Variants in SHTN1 observed in about 807,000 individuals in gnomAD.
SHTN1 encodes the protein shootin 1.
In SHTN1, 42 loss-of-function variants were observed where a neutral mutation model predicts 83.1. The observed-to-expected ratio is 0.51, with a 90% CI of 0.39 to 0.65. The LOEUF (loss-of-function observed/expected upper bound fraction) is 0.65. SHTN1 is among the 30% of genes least tolerant of loss of function. The pLI, the probability that SHTN1 is intolerant of heterozygous loss-of-function variation, is 0.00. For synonymous variants in SHTN1, 224 were observed against 247.7 expected (o/e 0.90, Z 0.90); for missense variants, 622 against 737.8 (o/e 0.84, Z 1.82).
upstream of SHTN1, among the ~76,000 whole-genome samples, chr10:117,009,462 G>A (rs1340875419): frequency 6.6e-6 from 1 of 152,026 alleles, no homozygotes; most frequent in East Asian, 1.9e-4. Context: ...AAGCAAAATG[G>A]TAGGAAAAAA....
At chr10:117,036,445 C>CTGAA (rs1176338356) in intron 2 of SHTN1, among the ~76,000 whole-genome samples, 1 of 152,166 alleles carries the variant, frequency 6.6e-6, no homozygotes, top group Non-Finnish European at 1.5e-5. Context: ...CAATGGAGTA[C>CTGAA]TATTCAGCCA....
chr10:117,047,457 G>A (rs751840910), intron 2 of SHTN1, among the ~76,000 whole-genome samples: 3 of 152,140 alleles, frequency 2.0e-5, no homozygotes, highest in Non-Finnish European at 4.4e-5. Context: ...TTAGATCTGG[G>A]TGATAAGAGA....
intron 11 of SHTN1, among the ~76,000 whole-genome samples, chr10:116,924,644 C>T (rs1589811372): frequency 6.6e-6 from 1 of 151,934 alleles, no homozygotes; most frequent in African/African-American, 2.4e-5. Context: ...ACTCAAACCT[C>T]TGGCCATCAC....
At chr10:117,056,058 T>A (rs1309545107) in intron 1 of SHTN1, among the ~76,000 whole-genome samples, 1 of 152,102 alleles carries the variant, frequency 6.6e-6, no homozygotes, top group East Asian at 1.9e-4. Context: ...CCTATAACCA[T>A]CAAAGAAGTT....
intron 3 of SHTN1, among the ~76,000 whole-genome samples, chr10:116,960,543 A>G (rs1468547820): frequency 6.6e-6 from 1 of 152,234 alleles, no homozygotes; most frequent in African/African-American, 2.4e-5. Flanking sequence ...CCATAGACAT[A>G]TGTGCTAGTT....
At chr10:116,983,060 G>A (rs1262857834) in intron 1 of SHTN1, among the ~76,000 whole-genome samples, 1 of 151,950 alleles carries the variant, frequency 6.6e-6, no homozygotes, top group Non-Finnish European at 1.5e-5. Flanking sequence ...CAGATTTACA[G>A]GTACAGTATA....
chr10:117,034,640 TAA>T (rs200237896), intron 2 of SHTN1, among the ~76,000 whole-genome samples: 1 of 143,658 alleles, frequency 7.0e-6, no homozygotes, highest in Non-Finnish European at 1.5e-5. Flanking sequence ...GACTCCATCT[TAA>T]AAAAAAAAAA....
rs1849681048 is a variant in SHTN1, at chr10:116,948,962, A to T, written c.570T>A (p.Asn190Lys). Residue 190 changes from asparagine (N) to lysine (K), a missense_variant, in exon 7 of 17, where the codon AAT becomes AAA. Asn to Lys is a moderately conservative substitution (Grantham distance 94). Around this residue, in one of 3 missense-constraint regions of SHTN1, gnomAD observed 383 missense variants for 455.8 expected, o/e 0.84. Coordinates refer to ENST00000355371, the MANE Select transcript of SHTN1 (RefSeq NM_001127211.3). ...CTTTTCTCTGTTCAAGAACTTCTGA[A>T]TTTAAAACAGTCTTTTCTTGTTTAA... ...NKVKQEKTVL[N>K]SEVLEQRKVL... 2.5e-6 allele frequency: 4 copies of T among 1,574,322 alleles called. No individual in the cohort carries two copies. Among genetic ancestry groups the T allele is most frequent in the Non-Finnish European group, 3.4e-6 (4 of 1,160,792 alleles).
At chr10:117,103,486 CTCTT>C (rs978175241) in intron 1 of SHTN1, among the ~76,000 whole-genome samples, 1 of 149,338 alleles carries the variant, frequency 6.7e-6, no homozygotes, top group East Asian at 2.0e-4. Flanking sequence ...TTGAGAGCTA[CTCTT>C]TCTTTTTCCT....
At chr10:117,064,254 T>C (rs10749239) in intron 1 of SHTN1, among the ~76,000 whole-genome samples, 139,129 of 152,240 alleles carry the variant, frequency 0.91, 64,830 homozygotes, top group Non-Finnish European at 1. Flanking sequence ...ATATTGAGAC[T>C]ATCCTTGGGC....
At position 116,899,961 on chromosome 10, in the gene SHTN1, A is replaced by G. The variant is rs191606500; in HGVS notation, c.1673+1804T>C. ...ACTGTTAAAGCTTACATGTAACTACATTAAGTTAAAATTCTTTTAGTCATT... is the reference window on the plus strand; with the variant it reads ...ACTGTTAAAGCTTACATGTAACTACGTTAAGTTAAAATTCTTTTAGTCATT... On this transcript the variant is annotated intron_variant, in intron 16 of 16. Transcript: ENST00000355371. 3.9e-3 allele frequency among the ~76,000 whole-genome samples: 595 copies of G among 152,314 alleles called. 2 individuals are homozygous for G. The highest frequency in any genetic ancestry group is 4.5e-3 in the Non-Finnish European group (303 of 68,030).
chr10:117,083,878 C>T (rs1256881153), intron 1 of SHTN1, among the ~76,000 whole-genome samples: 5 of 151,682 alleles, frequency 3.3e-5, no homozygotes, highest in African/African-American at 1.2e-4. Context: ...GTTCTCGAGC[C>T]TTGGTTTTCA....
At chr10:117,102,934 G>A (rs918104611) in intron 1 of SHTN1, among the ~76,000 whole-genome samples, 1 of 152,148 alleles carries the variant, frequency 6.6e-6, no homozygotes, top group African/African-American at 2.4e-5. Flanking sequence ...GCAAAGACAC[G>A]AGTGCTCCAC....
chr10:117,124,241 T>A (rs1853973407), intron 1 of SHTN1, among the ~76,000 whole-genome samples: 1 of 148,490 alleles, frequency 6.7e-6, no homozygotes, highest in South Asian at 2.1e-4. Context: ...AAACTTCAGA[T>A]GTGTCACTGA....
chr10:116,960,637 A>C (rs560613543), intron 3 of SHTN1, among the ~76,000 whole-genome samples: 3 of 152,338 alleles, frequency 2.0e-5, no homozygotes, highest in South Asian at 2.1e-4. Flanking sequence ...GGCTCTAATA[A>C]GAAAAATTAA....
chr10:116,919,219 TTCAC>T (rs1283730819), intron 12 of SHTN1, among the ~76,000 whole-genome samples: 2 of 152,244 alleles, frequency 1.3e-5, no homozygotes, highest in Non-Finnish European at 1.5e-5. Flanking sequence ...TATTGATTTG[TTCAC>T]TCAACAACTA....
chr10:117,124,905 T>C (rs1258510915), intron 1 of SHTN1, among the ~76,000 whole-genome samples: 1 of 152,216 alleles, frequency 6.6e-6, no homozygotes, highest in African/African-American at 2.4e-5. Flanking sequence ...TTTCCTACTA[T>C]TGCTATATTG....
chr10:116,953,742 C>G (rs1344888731), intron 5 of SHTN1, among the ~76,000 whole-genome samples: 3 of 151,814 alleles, frequency 2.0e-5, no homozygotes, highest in East Asian at 3.9e-4. Flanking sequence ...ATTCTCCCGC[C>G]TCAGCCTCCC....
chr10:116,970,438 G>T (rs562759134), intron 2 of SHTN1, among the ~76,000 whole-genome samples: 1 of 152,138 alleles, frequency 6.6e-6, no homozygotes, highest in African/African-American at 2.4e-5. Flanking sequence ...CATGTTGGCC[G>T]GGCACGGTGG....
Sources: allele counts gnomAD v4.1 joint callset (sites outside exome capture counted in the v4.1 genomes callset), GRCh38; gene constraint gnomAD v4.1.1; regional missense constraint gnomAD v4.1.1; transcripts MANE v1.5; gene names NCBI Gene and HGNC (gene_info 2026-07-23, HGNC 2026-07-21).